LILRB3: variants seen among roughly 807,000 people sequenced by gnomAD.
LILRB3 encodes the protein leukocyte immunoglobulin-like receptor subfamily B member 3.
A neutral mutation model predicts 68.2 loss-of-function variants in LILRB3; 32 were observed. The observed-to-expected ratio is 0.47, with a 90% CI of 0.35 to 0.63. LILRB3 has a LOEUF of 0.63. Among genes scored for constraint, LILRB3 ranks in the 30% least tolerant of loss-of-function variants. LILRB3 has a pLI of 0.00. For missense variants in LILRB3, 502 were observed against 791.3 expected (o/e 0.63, Z 4.39); for synonymous variants, 185 against 323.1 (o/e 0.57, Z 4.58).
intron 10 of LILRB3, 44 bp downstream of exon 10, chr19:54,218,601 C>G (rs1370433207): frequency 1.9e-6 from 3 of 1,613,856 alleles, no homozygotes; most frequent in Non-Finnish European, 2.5e-6. Context: ...TTTTGGGACT[C>G]CTGTCTCTCC....
chr19:54,220,671 T>A (rs1482936356), exon 6 of LILRB3: 2 of 1,510,664 alleles, frequency 1.3e-6, no homozygotes, highest in Non-Finnish European at 1.8e-6. Context: ...ATGAGCTCCG[T>A]ACATTGATCT....
In LILRB3 at chr19:54,219,262, C is replaced by T. The variant is rs1194092250; in HGVS notation, c.1310-17G>A. The T allele has an allele frequency of 3.3e-6, 5 of 1,537,680 alleles. No individual in the cohort carries two copies. In the South Asian group the frequency reaches 6.2e-5, roughly 19 times the overall value. Reference sequence around the variant, plus strand: ...TTCCCAGACCTTGACATGAGGACGTCAGGAGTGGGAATGATGTCATTGATG... The same window carrying T: ...TTCCCAGACCTTGACATGAGGACGTTAGGAGTGGGAATGATGTCATTGATG... On this transcript the variant is annotated splice_polypyrimidine_tract_variant and intron_variant, in intron 7 of 12. Coordinates refer to ENST00000445347, the Ensembl canonical transcript of LILRB3.
In LILRB3 at chr19:54,219,843, T is replaced by C. The variant is rs142795036; in HGVS notation, c.1309+312A>G. 8,470 of 1,503,674 alleles carry C rather than the reference T, an allele frequency of 5.6e-3. 420 individuals carry two copies. In the African/African-American group the frequency reaches 0.1, roughly 18 times the overall value. The allele number at this position is 1,503,674 out of a possible 1,614,324, so 93.1% of individuals were successfully genotyped here. On this transcript the variant is annotated intron_variant, in intron 7 of 12. Coordinates refer to ENST00000445347, the Ensembl canonical transcript of LILRB3. ...CCCTGCCTCCCCTGGACCCCGCCCA[T>C]CTCCCACTCAGAGCCCCTCACTCAC...
At chr19:54,219,213 C>G in exon 8 of LILRB3, 2 of 1,599,922 alleles carry the variant, frequency 1.3e-6, no homozygotes, top group Non-Finnish European at 1.7e-6. Flanking sequence ...GCCACCGAGA[C>G]CCCAATCAAA....
At chr19:54,218,812 G>A (rs1600844036) in exon 9 of LILRB3, 1 of 1,614,132 alleles carries the variant, frequency 6.2e-7, no homozygotes, top group Non-Finnish European at 8.5e-7. Context: ...GCCCCTGCAG[G>A]ACGCTGGAAA....
exon 13 of LILRB3, chr19:54,217,168 T>G (rs758548538): frequency 6.2e-7 from 1 of 1,613,864 alleles, no homozygotes; most frequent in Non-Finnish European, 8.5e-7. Context: ...GAGGCTCAGT[T>G]GCCTTCCGTC....
chr19:54,220,696 G>T, exon 6 of LILRB3: 4 of 1,526,174 alleles, frequency 2.6e-6, no homozygotes, highest in Non-Finnish European at 3.5e-6. Context: ...CGCAGTGGGG[G>T]ATGGGCTGCC....
intron 11 of LILRB3, among the ~76,000 whole-genome samples, chr19:54,218,086 C>A (rs553123104): frequency 6.7e-6 from 1 of 148,888 alleles, no homozygotes; most frequent in East Asian, 1.9e-4. Context: ...GGAGGTGGTT[C>A]ATTTATTCGT....
chr19:54,218,568 G>A (rs2077724551), intron 10 of LILRB3, 77 bp downstream of exon 10: 1 of 1,609,798 alleles, frequency 6.2e-7, no homozygotes, highest in South Asian at 1.1e-5. Flanking sequence ...ACCCTTCCCA[G>A]CCCCTCCCTG....
At position 54,219,736 on chromosome 19, in the gene LILRB3, T is replaced by G. The variant is rs1053300905; in HGVS notation, c.1309+419A>C. 14 of 1,478,198 alleles carry G rather than the reference T, an allele frequency of 9.5e-6. No individual in the cohort carries two copies. The African/African-American group carries it at 1.8e-4, about 19-fold the overall frequency. The allele number at this position is 1,478,198 out of a possible 1,614,324, so 91.6% of individuals were successfully genotyped here. Reference sequence around the variant, plus strand: ...CCCACAGGCCTCTCTCCTTTACACTTGGAGAAACTGAGGCCCAGGCAGGGG... The same window carrying G: ...CCCACAGGCCTCTCTCCTTTACACTGGGAGAAACTGAGGCCCAGGCAGGGG... On this transcript the variant is annotated intron_variant, in intron 7 of 12. Transcript: ENST00000445347.
rs2078082063 is a variant in LILRB3, at chr19:54,220,780, C to T, written c.1006G>A (p.Ala336Thr). Residue 336 changes from alanine (A) to threonine (T), a missense_variant, in exon 6 of 13, where the codon GCC becomes ACC. By Grantham distance (58) the Ala-to-Thr change is moderately conservative. Around this residue, in one of 8 missense-constraint regions of LILRB3, gnomAD observed 77 missense variants for 152.8 expected, o/e 0.50. Transcript: ENST00000445347. The stretch of plus-strand genomic sequence containing the variant: ...AGCAGGGTCATGTTCTCTCCTGAGG[C>T]CACTGTGGGGCCCGGCTGTGCTGAC... 2.0e-6 allele frequency: 3 copies of T among 1,520,334 alleles called. 1 individual carries two copies. In the South Asian group the frequency reaches 3.5e-5, roughly 18 times the overall value. 94.2% of individuals were successfully genotyped at this position (1,520,334 alleles called of 1,614,324 possible).
At chr19:54,219,046 AC>A (rs1468937940) in intron 8 of LILRB3, 82 bp downstream of exon 8, 21 of 1,533,402 alleles carry the variant, frequency 1.4e-5, no homozygotes, top group Non-Finnish European at 1.8e-5. Flanking sequence ...CTAAACTGAC[AC>A]CCCTGTGTGT....
chr19:54,218,802 G>T, exon 9 of LILRB3: 1 of 1,614,124 alleles, frequency 6.2e-7, no homozygotes, highest in South Asian at 1.1e-5. Flanking sequence ...TGTCTCCGCA[G>T]CCCCTGCAGG....
chr19:54,222,937 T>A lies in LILRB3; in HGVS notation c.34+6A>T, dbSNP rs2078355207. ...GGATCTCCCCCTCCCCATCTTGAAATCTCACCAAGGCAGAGCAGGGCTGTG... is the reference window on the plus strand; with the variant it reads ...GGATCTCCCCCTCCCCATCTTGAAAACTCACCAAGGCAGAGCAGGGCTGTG... On this transcript the variant is annotated splice_donor_region_variant and intron_variant, in intron 1 of 12. Transcript: ENST00000445347. 1.2e-6 allele frequency: 2 copies of A among 1,612,440 alleles called. No individual in the cohort carries two copies. The highest frequency in any genetic ancestry group is 3.3e-5 in the Admixed American group (2 of 59,984).
rs375765089 is a variant in LILRB3 at position 54,219,522 on chromosome 19, C to T, written c.1310-277G>A. ...TTGTTCCTGCACCAGAGCCGAGACC[C>T]GGAGCTGCAGGGAAAGAGCCTGACC... On this transcript the variant is annotated intron_variant, in intron 7 of 12. Transcript: ENST00000445347. The T allele has an allele frequency of 2.7e-5, 42 of 1,550,352 alleles. No individual in the cohort carries two copies. In the African/African-American group the frequency reaches 2.9e-4, roughly 11 times the overall value.
chr19:54,217,705 C>T, intron 11 of LILRB3: 2 of 781,308 alleles, frequency 2.6e-6, no homozygotes, highest in Non-Finnish European at 4.1e-6. Context: ...CCTGCAAGAG[C>T]TCGCTGCTGC....
At chr19:54,220,492 C>T (rs1333827512) in intron 6 of LILRB3, 36 bp downstream of exon 6, 1 of 1,296,892 alleles carries the variant, frequency 7.7e-7, no homozygotes, top group Non-Finnish European at 1.1e-6. Flanking sequence ...GGAGCTGAGC[C>T]TTTGAGCTCA....
intron 7 of LILRB3, chr19:54,219,920 C>T: frequency 1.3e-6 from 2 of 1,538,786 alleles, no homozygotes; most frequent in South Asian, 1.2e-5. Flanking sequence ...TCAGGACCTC[C>T]TGGGTCAGGA....
chr19:54,216,537 CCT>C, exon 13 of LILRB3: 1 of 701,828 alleles, frequency 1.4e-6, no homozygotes, highest in Admixed American at 5.6e-5. Flanking sequence ...GTCTCGATCT[CCT>C]GACCTCATGA....
Sources: gnomAD v4.1 joint callset for allele counts (sites outside exome capture counted in the v4.1 genomes callset) on GRCh38, gnomAD v4.1.1 for gene constraint, gnomAD v4.1.1 regional missense constraint, MANE v1.5 for transcripts, NCBI Gene and HGNC (gene_info 2026-07-23, HGNC 2026-07-21) for gene names.